The following ENPP6 variants were observed in gnomAD, a reference collection of about 807,000 sequenced individuals.
ENPP6 encodes ectonucleotide pyrophosphatase/phosphodiesterase 6, also known as glycerophosphocholine cholinephosphodiesterase ENPP6.
Under a neutral mutation model 42.0 loss-of-function variants are expected in ENPP6, and 32 were observed. The ratio of observed to expected loss-of-function variants is 0.76; its 90% confidence interval spans 0.58 to 1.02. The LOEUF (loss-of-function observed/expected upper bound fraction) is 1.02. ENPP6 is among the 50% of genes least tolerant of loss of function. The pLI, the probability that ENPP6 is intolerant of heterozygous loss-of-function variation, is 0.00. For missense variants in ENPP6, 552 were observed against 566.8 expected, an observed-to-expected ratio of 0.97 and a Z score of 0.27; for synonymous variants, 213 against 216.0, an observed-to-expected ratio of 0.99 and a Z score of 0.12.
intron 2 of ENPP6, among the ~76,000 whole-genome samples, chr4:184,143,458 A>G (rs1262322296): frequency 6.6e-6 from 1 of 152,196 alleles, no homozygotes; most frequent in African/African-American, 2.4e-5. Context: ...GCTCTCCTGG[A>G]CTAGCCAGTC....
chr4:184,209,467 A>G (rs1032044593), intron 1 of ENPP6, among the ~76,000 whole-genome samples: 1 of 151,978 alleles, frequency 6.6e-6, no homozygotes. Flanking sequence ...AAAGCAATCA[A>G]CTGGAAGAAA....
intron 1 of ENPP6, among the ~76,000 whole-genome samples, chr4:184,207,722 C>T (rs1255344270): frequency 6.6e-6 from 1 of 152,224 alleles, no homozygotes; most frequent in African/African-American, 2.4e-5. Context: ...TCTCCCTGGT[C>T]CTCTGCAGCA....
intron 1 of ENPP6, among the ~76,000 whole-genome samples, chr4:184,200,732 G>A (rs929845044): frequency 6.6e-6 from 1 of 152,182 alleles, no homozygotes; most frequent in African/African-American, 2.4e-5. Flanking sequence ...AATCGGCTGG[G>A]CAACCCAGGT....
chr4:184,152,908 C>T (rs1452486038), intron 2 of ENPP6, among the ~76,000 whole-genome samples: 2 of 145,164 alleles, frequency 1.4e-5, no homozygotes, highest in African/African-American at 5.2e-5. Flanking sequence ...AGCTCAATGA[C>T]GTATGGAAAT....
intron 6 of ENPP6, among the ~76,000 whole-genome samples, chr4:184,105,271 G>A (rs1013696420): frequency 6.6e-6 from 1 of 152,164 alleles, no homozygotes; most frequent in African/African-American, 2.4e-5. Flanking sequence ...TGGAACAACT[G>A]TAGAGGTTTT....
At chr4:184,190,745 TA>T (rs763601634) in intron 1 of ENPP6, among the ~76,000 whole-genome samples, 2 of 152,000 alleles carry the variant, frequency 1.3e-5, no homozygotes, top group Non-Finnish European at 2.9e-5. Flanking sequence ...CATAACCAAG[TA>T]TAATCAGAAG....
At chr4:184,165,766 A>G (rs1302525967) in intron 1 of ENPP6, among the ~76,000 whole-genome samples, 3 of 152,238 alleles carry the variant, frequency 2.0e-5, no homozygotes, top group Non-Finnish European at 2.9e-5. Context: ...AGGGGTCTCA[A>G]GATAATGGAT....
At chr4:184,121,676 T>C (rs1451596748) in intron 3 of ENPP6, among the ~76,000 whole-genome samples, 2 of 152,222 alleles carry the variant, frequency 1.3e-5, no homozygotes, top group Non-Finnish European at 2.9e-5. Context: ...ACATCTTTGC[T>C]AGACACACAT....
At chr4:184,156,549 T>C (rs755682470) in intron 1 of ENPP6, among the ~76,000 whole-genome samples, 2 of 152,192 alleles carry the variant, frequency 1.3e-5, no homozygotes, top group Non-Finnish European at 2.9e-5. Context: ...AGAGCTTGGA[T>C]GTGGTGTGGT....
At position 184,177,701 on chromosome 4, in the gene ENPP6, A is replaced by T. The variant is rs189494096; in HGVS notation, c.242-23968T>A. Among the ~76,000 whole-genome samples the T allele has an allele frequency of 1.2e-3, 178 of 152,314 alleles. 1 individual carries two copies. Among genetic ancestry groups the T allele is most frequent in the African/African-American group, 4.2e-3 (175 of 41,584 alleles). On this transcript the variant is annotated intron_variant, in intron 1 of 7. Transcript: ENST00000296741. ...TGCTGTTCTGCAGCCTCCACTGGTG[A>T]CACCTCCAGGTGTGGGAGGAACCCA...
In ENPP6 at chr4:184,206,402, CGG is replaced by C. The variant is rs1554000377; in HGVS notation, c.241+11175_241+11176del. On this transcript the variant is annotated intron_variant, in intron 1 of 7. Coordinates refer to ENST00000296741, the MANE Select transcript of ENPP6 (RefSeq NM_153343.4). ...CCTCCCGAGTAGCTGGGACTACAGG[CGG>C]GCGCCACCAGGCCCGGCTAATTTTT... Among the ~76,000 whole-genome samples the C allele has an allele frequency of 6.7e-5, 7 of 104,828 alleles. 1 individual carries two copies. Among genetic ancestry groups the C allele is most frequent in the East Asian group, 1.3e-3 (2 of 1,598 alleles). The allele number at this position is 104,828 out of a possible 152,430, so 68.8% of individuals were successfully genotyped here. A position where few individuals can be genotyped will look rare whatever the true frequency, so the allele number is the denominator to read the frequency against.
intron 6 of ENPP6, among the ~76,000 whole-genome samples, chr4:184,112,051 A>G (rs1736203956): frequency 6.6e-6 from 1 of 152,222 alleles, no homozygotes; most frequent in African/African-American, 2.4e-5. Flanking sequence ...GTCTTCAGGA[A>G]TGAACTGTAA....
chr4:184,115,276 G>T lies in ENPP6; in HGVS notation c.855+1580C>A, dbSNP rs949524140. ...GCAGCAGGTCGCCTGCCCCCAGGAA[G>T]ACAGTTGCTTCCTGCCCAGATCAGT... On this transcript the variant is annotated intron_variant, in intron 5 of 7. Coordinates refer to ENST00000296741, the MANE Select transcript of ENPP6 (RefSeq NM_153343.4). Among the ~76,000 whole-genome samples the T allele has an allele frequency of 5.9e-5, 9 of 152,236 alleles. No individual in the cohort carries two copies. The East Asian group carries it at 1.7e-3, about 29-fold the overall frequency.
At chr4:184,156,977 T>C (rs1337215394) in intron 1 of ENPP6, among the ~76,000 whole-genome samples, 2 of 152,218 alleles carry the variant, frequency 1.3e-5, no homozygotes, top group Non-Finnish European at 2.9e-5. Context: ...CACAGAGACT[T>C]TCTCTTTGAC....
At chr4:184,135,375 T>A (rs999386747) in intron 2 of ENPP6, among the ~76,000 whole-genome samples, 1 of 152,194 alleles carries the variant, frequency 6.6e-6, no homozygotes, top group Non-Finnish European at 1.5e-5. Context: ...GAGTGTGTAA[T>A]TAGGAACATT....
At chr4:184,131,183 T>TCTG (rs1560987202) in intron 2 of ENPP6, among the ~76,000 whole-genome samples, 2 of 64,874 alleles carry the variant, frequency 3.1e-5, no homozygotes, top group African/African-American at 1.3e-4. Flanking sequence ...CTTTCTTTCT[T>TCTG]TCTTTCTTTC....
Position 184,211,782 on chromosome 4 carries a change from C to A in ENPP6, c.241+5797G>T, listed in dbSNP as rs1233195482. 1.2e-3 allele frequency among the ~76,000 whole-genome samples: 183 copies of A among 150,894 alleles called. 1 individual carries two copies. The highest frequency in any genetic ancestry group is 4.0e-3 in the African/African-American group (164 of 40,850). ...ATACCAAAGCCAGGCAGAGACACAA[C>A]AAAAAAAGAGAATTTTAGACCAATA... is the stretch of plus-strand genomic sequence containing the variant. On this transcript the variant is annotated intron_variant, in intron 1 of 7. Coordinates refer to ENST00000296741, the MANE Select transcript of ENPP6 (RefSeq NM_153343.4).
chr4:184,196,372 C>T (rs111710984), intron 1 of ENPP6, among the ~76,000 whole-genome samples: 10 of 152,314 alleles, frequency 6.6e-5, no homozygotes, highest in African/African-American at 2.4e-4. Context: ...GAGGCCATGT[C>T]CTGGCATCTT....
intron 1 of ENPP6, among the ~76,000 whole-genome samples, chr4:184,204,518 C>T (rs1037149679): frequency 2.0e-5 from 3 of 152,150 alleles, no homozygotes; most frequent in Admixed American, 6.5e-5. Flanking sequence ...TGGTTCCATG[C>T]GTGGCTGTTG....
Sources: allele counts gnomAD v4.1 joint callset (sites outside exome capture counted in the v4.1 genomes callset), GRCh38; gene constraint gnomAD v4.1.1; transcripts MANE v1.5; gene names NCBI Gene and HGNC (gene_info 2026-07-23, HGNC 2026-07-21).